Variants in TRPM3 observed in about 807,000 individuals in gnomAD.
TRPM3 encodes long transient receptor potential channel 3.
Under a neutral mutation model 181.2 loss-of-function variants are expected in TRPM3, and 77 were observed. The observed-to-expected ratio is 0.42, with a 90% confidence interval of 0.35 to 0.51. The LOEUF (loss-of-function observed/expected upper bound fraction) is 0.51, where lower values mean the gene tolerates loss of function less well. TRPM3 is among the 20% of genes least tolerant of loss of function. The pLI is 0.01. For missense variants in TRPM3, 1,759 were observed against 2,196.7 expected (o/e 0.80, Z 3.98); for synonymous variants, 745 against 796.4 (o/e 0.94, Z 1.09).
chr9:70,595,754 C>G (rs1402512684), intron 21 of TRPM3, among the ~76,000 whole-genome samples: 1 of 152,146 alleles, frequency 6.6e-6, no homozygotes. Context: ...TGCTTTTAGA[C>G]AGGAATTTTC....
intron 1 of TRPM3, among the ~76,000 whole-genome samples, chr9:71,005,293 C>G (rs552721797): frequency 1.3e-5 from 2 of 152,160 alleles, no homozygotes; most frequent in Admixed American, 1.3e-4. Context: ...GTAATCCCAG[C>G]TACTTGGGAG....
chr9:71,031,975 T>TATATATATTATATATATA (rs2057384413), intron 1 of TRPM3, among the ~76,000 whole-genome samples: 1 of 7,940 alleles, frequency 1.3e-4, no homozygotes, highest in Non-Finnish European at 1.6e-4. Flanking sequence ...ATATATATTA[T>TATATATATTATATATATA]ATATATATAT....
Position 70,843,038 on chromosome 9 carries a change from T to A in TRPM3, c.766A>T (p.Ile256Phe). The change falls in exon 5 of 26, where the codon ATT (isoleucine) becomes TTT (phenylalanine). Residue 256 changes from isoleucine to phenylalanine, a missense_variant. Coordinates refer to ENST00000677713, the MANE Select transcript of TRPM3 (RefSeq NM_001366145.2). Reference protein sequence around the residue: ...ICTIGIAPWGIVENQEDLIGR... With the variant: ...ICTIGIAPWGFVENQEDLIGR... Reference sequence around the variant, plus strand: ...ATGAGGTCCTCCTGGTTTTCCACAATTCCCCAGGGGGCAATACCTATGGTG... The same window carrying A: ...ATGAGGTCCTCCTGGTTTTCCACAAATCCCCAGGGGGCAATACCTATGGTG... 6.2e-7 allele frequency: 1 copy of A among 1,613,782 alleles called. No homozygotes were observed.
At chr9:70,993,211 T>C (rs1271986173) in intron 1 of TRPM3, among the ~76,000 whole-genome samples, 3 of 152,278 alleles carry the variant, frequency 2.0e-5, no homozygotes, top group African/African-American at 4.8e-5. Context: ...CATAATTTTA[T>C]CTGTATTTCA....
intron 1 of TRPM3, among the ~76,000 whole-genome samples, chr9:71,319,504 G>A (rs1360841235): frequency 6.6e-6 from 1 of 152,014 alleles, no homozygotes; most frequent in African/African-American, 2.4e-5. Flanking sequence ...TGTTTTATTT[G>A]GGCCCTAATG....
chr9:70,637,981 A>C (rs2057480957), intron 11 of TRPM3, among the ~76,000 whole-genome samples: 1 of 152,130 alleles, frequency 6.6e-6, no homozygotes, highest in Non-Finnish European at 1.5e-5. Flanking sequence ...CGTTCTGCAA[A>C]TGTATCCCAG....
intron 1 of TRPM3, among the ~76,000 whole-genome samples, chr9:71,036,199 G>C (rs1434003757): frequency 6.6e-6 from 1 of 152,058 alleles, no homozygotes; most frequent in Non-Finnish European, 1.5e-5. Context: ...TTGATTGGAA[G>C]AGTCAGCTAA....
intron 3 of TRPM3, among the ~76,000 whole-genome samples, chr9:70,855,586 A>G (rs2095365405): frequency 6.6e-6 from 1 of 152,192 alleles, no homozygotes; most frequent in Admixed American, 6.5e-5. Context: ...TGAAAAATGG[A>G]ACTATCATTG....
intron 7 of TRPM3, among the ~76,000 whole-genome samples, chr9:70,771,854 T>C (rs901430119): frequency 5.9e-5 from 9 of 152,162 alleles, no homozygotes; most frequent in Non-Finnish European, 1.2e-4. Context: ...TAAAATATTA[T>C]ATAATGTGTT....
intron 8 of TRPM3, among the ~76,000 whole-genome samples, chr9:70,701,253 G>A (rs912633281): frequency 1.5e-4 from 23 of 152,274 alleles, no homozygotes; most frequent in African/African-American, 5.3e-4. Flanking sequence ...TTGTGACTTA[G>A]CGATGTTCTC....
At chr9:70,539,323 C>T (rs904543677) in intron 25 of TRPM3, among the ~76,000 whole-genome samples, 1 of 152,160 alleles carries the variant, frequency 6.6e-6, no homozygotes, top group African/African-American at 2.4e-5. Context: ...ACCTCCTCTC[C>T]TGCTGGCCAG....
chr9:71,172,092 G>C (rs532790997), intron 1 of TRPM3, among the ~76,000 whole-genome samples: 12 of 152,050 alleles, frequency 7.9e-5, no homozygotes, highest in Admixed American at 2.0e-4. Flanking sequence ...TTTGCAGGAC[G>C]TGTCTTGCTC....
At chr9:71,344,001 C>A (rs1364854509) in intron 1 of TRPM3, among the ~76,000 whole-genome samples, 3 of 127,404 alleles carry the variant, frequency 2.4e-5, no homozygotes, top group Non-Finnish European at 5.4e-5. Flanking sequence ...AAATAGGAAT[C>A]TATTATTCCA....
At chr9:70,635,112 A>C in intron 12 of TRPM3, 99 bp downstream of exon 12, 1 of 981,800 alleles carries the variant, frequency 1.0e-6, no homozygotes, top group Non-Finnish European at 1.6e-6. Context: ...CCTGATAGGG[A>C]CAGGAATACT....
intron 1 of TRPM3, among the ~76,000 whole-genome samples, chr9:71,054,834 C>T (rs2060476807): frequency 6.6e-6 from 1 of 152,014 alleles, no homozygotes; most frequent in African/African-American, 2.4e-5. Flanking sequence ...TTGATGACCT[C>T]GGGAAAGCCC....
intron 1 of TRPM3, among the ~76,000 whole-genome samples, chr9:71,280,431 C>T (rs946440877): frequency 9.2e-5 from 14 of 151,978 alleles, no homozygotes; most frequent in Non-Finnish European, 1.6e-4. Flanking sequence ...AAGTAAAGCA[C>T]GCCTACAAAT....
intron 1 of TRPM3, among the ~76,000 whole-genome samples, chr9:71,140,917 A>T (rs1422794653): frequency 6.6e-6 from 1 of 152,224 alleles, no homozygotes; most frequent in African/African-American, 2.4e-5. Context: ...GGGGTTTTAA[A>T]GGAGCATTCC....
chr9:71,332,370 A>T (rs914854516), intron 1 of TRPM3, among the ~76,000 whole-genome samples: 2 of 129,650 alleles, frequency 1.5e-5, no homozygotes, highest in South Asian at 2.6e-4. Context: ...GTGGTTTTCA[A>T]TGTTGGGTGT....
intron 1 of TRPM3, among the ~76,000 whole-genome samples, chr9:71,103,221 C>A (rs1264381037): frequency 6.6e-6 from 1 of 152,092 alleles, no homozygotes; most frequent in Non-Finnish European, 1.5e-5. Flanking sequence ...TTATTTTTCT[C>A]CCTTGAATTC....
Sources: gnomAD v4.1 joint callset for allele counts (sites outside exome capture counted in the v4.1 genomes callset) on GRCh38, gnomAD v4.1.1 for gene constraint, MANE v1.5 for transcripts, NCBI Gene and HGNC (gene_info 2026-07-23, HGNC 2026-07-21) for gene names.